Variants in SPHKAP observed in about 807,000 individuals in gnomAD.
The protein encoded by SPHKAP is SPHK1 interactor, AKAP domain containing, also known as A-kinase anchor protein SPHKAP.
SPHKAP carries 67 observed loss-of-function variants against 137.5 expected under a neutral mutation model. That is an observed-to-expected ratio of 0.49 (90% CI 0.40 to 0.60). The LOEUF is 0.60. Ranked by LOEUF, SPHKAP falls within the 20% of genes least tolerant of loss-of-function variation. The pLI, the probability that SPHKAP is intolerant of heterozygous loss-of-function variation, is 0.00. For synonymous variants in SPHKAP, 813 were observed against 785.3 expected (o/e 1.04, Z -0.59); for missense variants, 2,097 against 2,069.3 (o/e 1.01, Z -0.26).
chr2:228,158,326 CTTTT>C (rs55897294), intron 1 of SPHKAP, among the ~76,000 whole-genome samples: 1 of 133,092 alleles, frequency 7.5e-6, no homozygotes. Flanking sequence ...TTACTTCTTT[CTTTT>C]TTTTTTTTTT....
At chr2:227,985,701 GA>G (rs1693185807) in intron 11 of SPHKAP, among the ~76,000 whole-genome samples, 1 of 152,128 alleles carries the variant, frequency 6.6e-6, no homozygotes, top group Non-Finnish European at 1.5e-5. Context: ...ATCATCTGTA[GA>G]CTCATTTGAA....
chr2:228,169,009 A>T (rs1430667423), intron 1 of SPHKAP, among the ~76,000 whole-genome samples: 2 of 152,226 alleles, frequency 1.3e-5, no homozygotes, highest in Non-Finnish European at 2.9e-5. Context: ...GGCAAAGCCT[A>T]ATCCAGAGCA....
At chr2:228,173,085 G>T in intron 1 of SPHKAP, 1 of 985,290 alleles carries the variant, frequency 1.0e-6, no homozygotes, top group Non-Finnish European at 1.2e-6. Flanking sequence ...TTATGTTCTT[G>T]AATAATCTTT....
rs1298648913 is a variant in SPHKAP at position 228,181,512 on chromosome 2, C to G, written c.32+55G>C. ...GGGCAAGTTGGTGAGCGACTCACAA[C>G]GCGGAACGGAGTTTGATCGACATGG... is the stretch of plus-strand genomic sequence containing the variant. On this transcript the variant is annotated intron_variant, in intron 1 of 11. Transcript: ENST00000392056. This position sits in a 1 kb window ranked among gnomAD's most constrained non-coding sequence, Gnocchi z 4.3. 21 of 1,613,714 alleles carry G rather than the reference C, an allele frequency of 1.3e-5. No individual in the cohort carries two copies. The highest frequency in any genetic ancestry group is 1.6e-4 in the Middle Eastern group (1 of 6,082).
At chr2:228,040,164 C>G (rs954277936) in intron 3 of SPHKAP, among the ~76,000 whole-genome samples, 3 of 152,134 alleles carry the variant, frequency 2.0e-5, no homozygotes, top group African/African-American at 7.2e-5. Context: ...TATTTACTAA[C>G]AGTTTTTCTT....
chr2:228,085,600 G>A (rs1697511540), intron 3 of SPHKAP, among the ~76,000 whole-genome samples: 1 of 152,118 alleles, frequency 6.6e-6, no homozygotes, highest in Non-Finnish European at 1.5e-5. Flanking sequence ...GTCAACACAT[G>A]TCATATTAAG....
rs1238526302 is a variant in SPHKAP, at chr2:228,080,770, A to G, written c.246+28062T>C. On this transcript the variant is annotated intron_variant, in intron 3 of 11. Transcript: ENST00000392056. Reference sequence around the variant, plus strand: ...AATAAAATAAAATAAAATAAAATAAAATAAAATAAAATAAAACCAAACCAC... The same window carrying G: ...AATAAAATAAAATAAAATAAAATAAGATAAAATAAAATAAAACCAAACCAC... 1.2e-3 allele frequency among the ~76,000 whole-genome samples: 90 copies of G among 75,018 alleles called. 1 individual carries two copies. The highest frequency in any genetic ancestry group is 4.6e-3 in the African/African-American group (85 of 18,416). The allele number at this position is 75,018 out of a possible 152,430, so 49.2% of individuals were successfully genotyped here.
intron 2 of SPHKAP, among the ~76,000 whole-genome samples, chr2:228,121,436 A>C (rs928628996): frequency 6.6e-6 from 1 of 152,178 alleles, no homozygotes; most frequent in Non-Finnish European, 1.5e-5. Context: ...GGATCACTTG[A>C]GCCCAGGAGT....
At position 228,027,981 on chromosome 2, in the gene SPHKAP, A is replaced by G. The variant is rs986200903; in HGVS notation, c.247-438T>C. 1.9e-3 allele frequency: 1,890 copies of G among 980,894 alleles called. 21 individuals are homozygous for G. The African/African-American group carries it at 0.03, about 16-fold the overall frequency. 60.8% of individuals were successfully genotyped at this position (980,894 alleles called of 1,614,324 possible). A position where few individuals can be genotyped will look rare whatever the true frequency, so the allele number is the denominator to read the frequency against. On this transcript the variant is annotated intron_variant, in intron 3 of 11. Coordinates refer to ENST00000392056, the MANE Select transcript of SPHKAP (RefSeq NM_001142644.2). ...ATCTGAAAAAAAAAAAAAAAAGAAA[A>G]AAGAAAAAAAGAAATAGTAATTTCA... is the stretch of plus-strand genomic sequence containing the variant.
At chr2:228,144,206 G>C (rs114180005) in intron 1 of SPHKAP, among the ~76,000 whole-genome samples, 2,864 of 152,194 alleles carry the variant, frequency 0.019, 94 homozygotes, top group African/African-American at 0.065. Flanking sequence ...CTCCCACCCT[G>C]ATCTATTTTT....
At chr2:228,157,023 C>T (rs2106407573) in intron 1 of SPHKAP, among the ~76,000 whole-genome samples, 1 of 152,228 alleles carries the variant, frequency 6.6e-6, no homozygotes, top group Middle Eastern at 3.4e-3. Flanking sequence ...GCTCAAGATA[C>T]TGCAGTAAAT....
At chr2:228,048,262 T>C (rs1696134595) in intron 3 of SPHKAP, among the ~76,000 whole-genome samples, 1 of 151,646 alleles carries the variant, frequency 6.6e-6, no homozygotes, top group Non-Finnish European at 1.5e-5. Context: ...CAGTCACTTC[T>C]TTGGTTTACA....
At chr2:227,993,363 TGGTAGGGCAGG>T (rs901520894) in intron 9 of SPHKAP, among the ~76,000 whole-genome samples, 160 bp downstream of exon 9, 26 of 152,178 alleles carry the variant, frequency 1.7e-4, no homozygotes, top group Non-Finnish European at 3.8e-4. Flanking sequence ...AAGCAGGTGG[TGGTAGGGCAGG>T]GCCTATTCTA....
At chr2:227,991,465 T>A (rs756677598) in intron 9 of SPHKAP, 139 bp from the exon 10 acceptor site, 14 of 1,515,272 alleles carry the variant, frequency 9.2e-6, no homozygotes, top group Non-Finnish European at 1.1e-5. Flanking sequence ...AGTAGAGTAA[T>A]GCTGGGAAAA....
Position 228,058,354 on chromosome 2 carries a change from A to G in SPHKAP, c.247-30811T>C, listed in dbSNP as rs575530984. On this transcript the variant is annotated intron_variant, in intron 3 of 11. Coordinates refer to ENST00000392056, the MANE Select transcript of SPHKAP (RefSeq NM_001142644.2). ...GTAGTATTTTTTAACCCTCAGGCTCATTATGCCATTATACCTGCATTATAA... is the reference window on the plus strand; with the variant it reads ...GTAGTATTTTTTAACCCTCAGGCTCGTTATGCCATTATACCTGCATTATAA... Among the ~76,000 whole-genome samples the G allele has an allele frequency of 1.9e-4, 29 of 152,340 alleles. No homozygotes were observed. In the South Asian group the frequency reaches 2.1e-3, roughly 11 times the overall value.
intron 3 of SPHKAP, among the ~76,000 whole-genome samples, chr2:228,030,704 C>T (rs1354542896): frequency 6.0e-5 from 9 of 150,292 alleles, no homozygotes; most frequent in Admixed American, 5.3e-4. Context: ...ATCTAATTGA[C>T]TGCCCAATGC....
chr2:228,151,432 C>T (rs2106399534), intron 1 of SPHKAP, among the ~76,000 whole-genome samples: 1 of 152,086 alleles, frequency 6.6e-6, no homozygotes, highest in East Asian at 1.9e-4. Flanking sequence ...GATTTATAGT[C>T]CTTTGGGTAT....
chr2:228,106,096 A>T (rs780216198), intron 3 of SPHKAP, among the ~76,000 whole-genome samples: 1 of 152,184 alleles, frequency 6.6e-6, no homozygotes, highest in Non-Finnish European at 1.5e-5. Flanking sequence ...TGAAGAAATG[A>T]CTATAACTCA....
At chr2:228,074,177 GC>G in intron 3 of SPHKAP, among the ~76,000 whole-genome samples, 1 of 152,262 alleles carries the variant, frequency 6.6e-6, no homozygotes, top group South Asian at 2.1e-4. Flanking sequence ...TGTTTGCAAT[GC>G]AAAAAATTAC....
Sources: gnomAD v4.1 joint callset for allele counts (sites outside exome capture counted in the v4.1 genomes callset) on GRCh38, gnomAD v4.1.1 for gene constraint, Gnocchi (gnomAD v3.1) non-coding constraint, MANE v1.5 for transcripts, NCBI Gene and HGNC (gene_info 2026-07-23, HGNC 2026-07-21) for gene names.